TBL1XR1: variants seen among roughly 807,000 people sequenced by gnomAD.
The protein encoded by TBL1XR1 is TBL1X/Y related 1.
A neutral mutation model predicts 66.9 loss-of-function variants in TBL1XR1; 5 were observed. The ratio of observed to expected loss-of-function variants is 0.07; its 90% confidence interval spans 0.04 to 0.16. The LOEUF is 0.16. Among genes scored for constraint, TBL1XR1 ranks in the 10% least tolerant of loss-of-function variants. The pLI, the probability that TBL1XR1 is intolerant of heterozygous loss-of-function variation, is 1.00. For missense variants in TBL1XR1, 238 were observed against 623.2 expected (o/e 0.38, Z 6.58); for synonymous variants, 210 against 206.0 (o/e 1.02, Z -0.17).
At chr3:177,040,038 T>G (rs1715362083) in intron 10 of TBL1XR1, among the ~76,000 whole-genome samples, 1 of 152,274 alleles carries the variant, frequency 6.6e-6, no homozygotes, top group Admixed American at 6.5e-5. Flanking sequence ...ACAGGAGAGT[T>G]AAAGTTGAGC....
chr3:177,169,951 T>C (rs1477105415), intron 1 of TBL1XR1, among the ~76,000 whole-genome samples: 3 of 152,012 alleles, frequency 2.0e-5, no homozygotes, highest in African/African-American at 7.2e-5. Flanking sequence ...CATTCTCAGG[T>C]CCTAGCCTAG....
chr3:177,035,605 G>C (rs1262718153), intron 12 of TBL1XR1, among the ~76,000 whole-genome samples: 1 of 152,020 alleles, frequency 6.6e-6, no homozygotes, highest in Non-Finnish European at 1.5e-5. Context: ...GCAGAGATGG[G>C]GTTTCACCAT....
upstream of TBL1XR1, among the ~76,000 whole-genome samples, chr3:177,197,681 G>A (rs1468932505): frequency 7.2e-6 from 1 of 138,948 alleles, no homozygotes; most frequent in African/African-American, 2.6e-5. Context: ...GAGGGGCGCC[G>A]CGGACGCCGG....
intron 1 of TBL1XR1, among the ~76,000 whole-genome samples, chr3:177,176,244 G>A (rs979672902): frequency 1.3e-5 from 2 of 151,630 alleles, no homozygotes; most frequent in Admixed American, 1.3e-4. Context: ...GCCCAGGCTG[G>A]AATGCAGTGG....
At chr3:177,093,051 T>A (rs1723029213) in intron 2 of TBL1XR1, among the ~76,000 whole-genome samples, 1 of 152,142 alleles carries the variant, frequency 6.6e-6, no homozygotes, top group African/African-American at 2.4e-5. Context: ...AATATAATTG[T>A]ATACCTAGAA....
intron 14 of TBL1XR1, among the ~76,000 whole-genome samples, chr3:177,029,993 A>G (rs1446790276): frequency 6.6e-6 from 1 of 152,226 alleles, no homozygotes; most frequent in Non-Finnish European, 1.5e-5. Context: ...TTGTGATTAG[A>G]AATGTAAATG....
In TBL1XR1 at chr3:177,185,527, G is replaced by A. The variant is rs115804527; in HGVS notation, c.-122+11594C>T. On this transcript the variant is annotated intron_variant, in intron 1 of 15. Transcript: ENST00000457928. ...GAGCCTGAGGCAGGGGCATCACTTG[G>A]ACCCAGGAAGCGGAGGTCACTGTGA... is the stretch of plus-strand genomic sequence containing the variant. Among the ~76,000 whole-genome samples the A allele has an allele frequency of 5.8e-3, 885 of 151,646 alleles. 15 individuals are homozygous for A. The highest frequency in any genetic ancestry group is 0.02 in the African/African-American group (834 of 41,350).
upstream of TBL1XR1, among the ~76,000 whole-genome samples, chr3:177,198,245 C>G (rs753572897): frequency 2.0e-5 from 3 of 152,130 alleles, no homozygotes; most frequent in Non-Finnish European, 4.4e-5. Context: ...GTTTTTGATA[C>G]TAAACACAAA....
At chr3:177,131,279 C>T in intron 1 of TBL1XR1, 1 of 943,770 alleles carries the variant, frequency 1.1e-6, no homozygotes, top group Non-Finnish European at 1.3e-6. Context: ...AAGTCAAAAG[C>T]TATTTGCCTA....
intron 1 of TBL1XR1, among the ~76,000 whole-genome samples, chr3:177,144,701 C>T (rs953336599): frequency 6.7e-6 from 1 of 150,216 alleles, no homozygotes; most frequent in South Asian, 2.1e-4. Flanking sequence ...TGCAGTGCGC[C>T]GAGATTGCAC....
chr3:177,026,689 A>G (rs1713175650), intron 14 of TBL1XR1: 5 of 457,060 alleles, frequency 1.1e-5, no homozygotes, highest in Non-Finnish European at 1.5e-5. Flanking sequence ...TCACACACAT[A>G]TTCAGTTTCT....
chr3:177,097,391 A>C lies in TBL1XR1; in HGVS notation c.-46+1075T>G, dbSNP rs114672840. On this transcript the variant is annotated intron_variant, in intron 2 of 15. Coordinates refer to ENST00000457928, the MANE Select transcript of TBL1XR1 (RefSeq NM_024665.7). ...GGTAAGAAATTTTTTTTAAGAGAGA[A>C]TCACTCTGACTTCCAGTTAACAATG... Among the ~76,000 whole-genome samples the C allele has an allele frequency of 3.9e-3, 593 of 152,330 alleles. 4 individuals carry two copies. The highest frequency in any genetic ancestry group is 0.014 in the African/African-American group (564 of 41,570).
chr3:177,053,379 T>C (rs1439860201), intron 4 of TBL1XR1, among the ~76,000 whole-genome samples: 1 of 152,190 alleles, frequency 6.6e-6, no homozygotes, highest in African/African-American at 2.4e-5. Flanking sequence ...TACTCACATG[T>C]AGTCCTTAGA....
intron 1 of TBL1XR1, among the ~76,000 whole-genome samples, chr3:177,119,537 A>G (rs1726729731): frequency 6.6e-6 from 1 of 152,208 alleles, no homozygotes; most frequent in Non-Finnish European, 1.5e-5. Flanking sequence ...ATGGTTATTC[A>G]TATACTGTCT....
At chr3:177,111,359 GC>G (rs1224395985) in intron 1 of TBL1XR1, among the ~76,000 whole-genome samples, 5 of 150,998 alleles carry the variant, frequency 3.3e-5, no homozygotes, top group Non-Finnish European at 7.4e-5. Flanking sequence ...TGCAACCTCT[GC>G]CTCCTGGGTT....
At chr3:177,108,022 T>C (rs2108705393) in intron 1 of TBL1XR1, among the ~76,000 whole-genome samples, 1 of 129,194 alleles carries the variant, frequency 7.7e-6, no homozygotes, top group South Asian at 2.5e-4. Context: ...AAAACTTTAT[T>C]CAAAAAAAAA....
At chr3:177,064,100 A>G (rs1718855205) in intron 3 of TBL1XR1, among the ~76,000 whole-genome samples, 1 of 152,180 alleles carries the variant, frequency 6.6e-6, no homozygotes, top group Admixed American at 6.5e-5. Context: ...CTCACACTTG[A>G]CTACCAAAAT....
chr3:177,117,540 GCGTAGTTC>G (rs767115308), intron 1 of TBL1XR1, among the ~76,000 whole-genome samples: 42 of 152,266 alleles, frequency 2.8e-4, no homozygotes, highest in Admixed American at 7.2e-4. Flanking sequence ...TTCCCATTCA[GCGTAGTTC>G]CTTATAGGCA....
intron 14 of TBL1XR1, among the ~76,000 whole-genome samples, chr3:177,028,067 G>C (rs1054574812): frequency 1.5e-4 from 23 of 152,016 alleles, no homozygotes; most frequent in Non-Finnish European, 7.4e-5. Flanking sequence ...AAACATTATG[G>C]GCAACAAGGC....
Sources: gnomAD v4.1 joint callset for allele counts (sites outside exome capture counted in the v4.1 genomes callset) on GRCh38, gnomAD v4.1.1 for gene constraint, MANE v1.5 for transcripts, NCBI Gene and HGNC (gene_info 2026-07-23, HGNC 2026-07-21) for gene names.